AUTS2: variants seen among roughly 807,000 people sequenced by gnomAD.
AUTS2 encodes the protein activator of transcription and developmental regulator AUTS2, also known as autism susceptibility gene 2 protein.
Under a neutral mutation model 112.4 loss-of-function variants are expected in AUTS2, and 17 were observed. That is an observed-to-expected ratio of 0.15 (90% CI 0.10 to 0.23). The LOEUF is 0.23. AUTS2 is among the 10% of genes least tolerant of loss of function. The pLI is 1.00. For missense variants in AUTS2, 1,510 were observed against 1,701.6 expected (o/e 0.89, Z 1.98); for synonymous variants, 751 against 702.7 (o/e 1.07, Z -1.09).
intron 5 of AUTS2, among the ~76,000 whole-genome samples, chr7:70,543,621 G>A (rs1195498365): frequency 1.3e-5 from 2 of 152,080 alleles, no homozygotes; most frequent in Non-Finnish European, 1.5e-5. Flanking sequence ...GCCTAAGCTG[G>A]CCCACCACTA....
At chr7:70,039,629 G>A (rs1324672194) in intron 2 of AUTS2, among the ~76,000 whole-genome samples, 2 of 152,180 alleles carry the variant, frequency 1.3e-5, no homozygotes, top group African/African-American at 4.8e-5. Flanking sequence ...GATTACAGGT[G>A]TGAATCATTG....
Position 70,762,883 on chromosome 7 carries a change from T to G in AUTS2, c.756T>G (p.Gly252=). ...TVIVNKDPEL[G]VGTLPEHDSQ... is the part of the protein sequence containing the mutation. ...TCTCCCATGCAGATCCGGAGTTAGG[T>G]GTTGGCACGCTACCAGAACATGACA... The change falls in exon 7 of 19, where the codon GGT becomes GGG. Residue 252 remains glycine (G), a synonymous_variant. Transcript: ENST00000342771. 6.2e-7 allele frequency: 1 copy of G among 1,613,136 alleles called. No individual in the cohort carries two copies. Among genetic ancestry groups the G allele is most frequent in the Non-Finnish European group, 8.5e-7 (1 of 1,179,338 alleles).
At position 70,331,105 on chromosome 7, in the gene AUTS2, A is replaced by G. The variant is rs954853688; in HGVS notation, c.661-104647A>G. Among the ~76,000 whole-genome samples, 12 of 152,052 alleles carry G rather than the reference A, an allele frequency of 7.9e-5. No individual in the cohort carries two copies. In the East Asian group the frequency reaches 1.9e-3, roughly 24 times the overall value. On this transcript the variant is annotated intron_variant, in intron 4 of 18. Transcript: ENST00000342771. Reference sequence around the variant, plus strand: ...AGTCCCTTTTTTTCTATTGTTTGTAATAGTTTCAGAAGAGATGGTACCAGC... The same window carrying G: ...AGTCCCTTTTTTTCTATTGTTTGTAGTAGTTTCAGAAGAGATGGTACCAGC...
At chr7:70,541,930 G>C (rs747926864) in intron 5 of AUTS2, among the ~76,000 whole-genome samples, 8 of 152,206 alleles carry the variant, frequency 5.3e-5, no homozygotes, top group Non-Finnish European at 1.0e-4. Flanking sequence ...TTATCACCAG[G>C]TAATGCTCCT....
At chr7:70,496,362 G>A (rs111161438) in intron 5 of AUTS2, among the ~76,000 whole-genome samples, 138 of 65,344 alleles carry the variant, frequency 2.1e-3, no homozygotes, top group Middle Eastern at 0.016. Context: ...TCACATCAGC[G>A]TCGATCACAC....
At chr7:70,498,983 G>T (rs1798668076) in intron 5 of AUTS2, among the ~76,000 whole-genome samples, 1 of 152,212 alleles carries the variant, frequency 6.6e-6, no homozygotes, top group Non-Finnish European at 1.5e-5. Context: ...TGGAAGAGGA[G>T]GGCAAGGAGA....
chr7:70,047,458 T>C (rs895857231), intron 2 of AUTS2, among the ~76,000 whole-genome samples: 3 of 152,208 alleles, frequency 2.0e-5, no homozygotes, highest in African/African-American at 7.2e-5. Context: ...CCACTTTGCC[T>C]TTATAACATG....
At chr7:69,961,988 G>T (rs939973978) in intron 2 of AUTS2, among the ~76,000 whole-genome samples, 3 of 152,100 alleles carry the variant, frequency 2.0e-5, no homozygotes, top group Non-Finnish European at 4.4e-5. Flanking sequence ...ACATGGCAGG[G>T]CATTATTCAT....
At chr7:70,473,564 T>G (rs1797469911) in intron 5 of AUTS2, among the ~76,000 whole-genome samples, 1 of 152,184 alleles carries the variant, frequency 6.6e-6, no homozygotes, top group Admixed American at 6.5e-5. Flanking sequence ...TAAGAATATG[T>G]CCAGGCCTCT....
intron 18 of AUTS2, among the ~76,000 whole-genome samples, chr7:70,789,146 A>G (rs574150340): frequency 7.2e-5 from 11 of 152,262 alleles, no homozygotes; most frequent in South Asian, 2.1e-4. Context: ...AAAGTCCTCC[A>G]ACTGTGGCTT....
At chr7:70,378,321 A>G (rs1173239439) in intron 4 of AUTS2, among the ~76,000 whole-genome samples, 2 of 152,340 alleles carry the variant, frequency 1.3e-5, no homozygotes, top group Admixed American at 6.5e-5. Context: ...GCATCTGCCA[A>G]TGTAACAACT....
At chr7:69,812,345 G>A (rs1790580000) in intron 1 of AUTS2, among the ~76,000 whole-genome samples, 1 of 152,174 alleles carries the variant, frequency 6.6e-6, no homozygotes, top group Non-Finnish European at 1.5e-5. Context: ...TTGGCAAGAT[G>A]GGAGTAGGGA....
At position 70,396,784 on chromosome 7, in the gene AUTS2, C is replaced by T. The variant is rs116210508; in HGVS notation, c.661-38968C>T. The stretch of plus-strand genomic sequence containing the variant: ...ATTTACCTTTTCACCTACTGATGGA[C>T]GTCTGGGTTGTTTACAATTTTTGGT... On this transcript the variant is annotated intron_variant, in intron 4 of 18. Transcript: ENST00000342771. Among the ~76,000 whole-genome samples the T allele has an allele frequency of 3.3e-3, 500 of 152,218 alleles. 3 individuals carry two copies. Among genetic ancestry groups the T allele is most frequent in the African/African-American group, 0.011 (470 of 41,534 alleles).
At chr7:70,656,593 A>T (rs2129542294) in intron 5 of AUTS2, among the ~76,000 whole-genome samples, 1 of 152,330 alleles carries the variant, frequency 6.6e-6, no homozygotes, top group African/African-American at 2.4e-5. Context: ...TCTGCATTTG[A>T]CGGATGAAGA....
intron 5 of AUTS2, among the ~76,000 whole-genome samples, chr7:70,614,584 C>T (rs1204518800): frequency 6.6e-6 from 1 of 152,176 alleles, no homozygotes; most frequent in East Asian, 1.9e-4. Flanking sequence ...GCTTCCTTGT[C>T]AGCCTCAGAG....
chr7:70,707,773 T>C (rs1809818061), intron 6 of AUTS2, among the ~76,000 whole-genome samples: 1 of 152,202 alleles, frequency 6.6e-6, no homozygotes, highest in South Asian at 2.1e-4. Flanking sequence ...GTTTCCTCGC[T>C]CTTCCATGCC....
intron 5 of AUTS2, among the ~76,000 whole-genome samples, chr7:70,643,396 C>T (rs1381935595): frequency 6.6e-6 from 1 of 152,140 alleles, no homozygotes; most frequent in Non-Finnish European, 1.5e-5. Context: ...CAGGGTGAAA[C>T]CCCGTCTCTA....
chr7:70,460,841 C>T (rs958647353), intron 5 of AUTS2, among the ~76,000 whole-genome samples: 3 of 152,126 alleles, frequency 2.0e-5, no homozygotes, highest in Non-Finnish European at 4.4e-5. Flanking sequence ...GTAAAAATGC[C>T]TGCATGGTGC....
chr7:70,787,181 CTTT>C (rs764466054), intron 17 of AUTS2, 25 bp from the exon 18 acceptor site: 2 of 1,609,590 alleles, frequency 1.2e-6, no homozygotes, highest in Non-Finnish European at 1.7e-6. Flanking sequence ...TCTCTTAAAC[CTTT>C]TTGTTCTCCA....
Sources: allele counts gnomAD v4.1 joint callset (sites outside exome capture counted in the v4.1 genomes callset), GRCh38; gene constraint gnomAD v4.1.1; transcripts MANE v1.5; gene names NCBI Gene and HGNC (gene_info 2026-07-23, HGNC 2026-07-21).